SGSM2: variants seen among roughly 807,000 people sequenced by gnomAD.
SGSM2 encodes RUN and TBC1 domain containing 1.
Under a neutral mutation model 126.6 loss-of-function variants are expected in SGSM2, and 89 were observed. The ratio of observed to expected loss-of-function variants is 0.70; its 90% CI spans 0.59 to 0.84. SGSM2 has a LOEUF of 0.84. Ranked by LOEUF, SGSM2 falls within the 40% of genes least tolerant of loss-of-function variation. The pLI is 0.00. For synonymous variants in SGSM2, 614 were observed against 574.3 expected (o/e 1.07, Z -0.99); for missense variants, 1,404 against 1,416.6 (o/e 0.99, Z 0.14).
chr17:2,363,188 G>A lies in SGSM2; in HGVS notation c.672+54G>A, dbSNP rs2065398631. On this transcript the variant is annotated intron_variant, in intron 6 of 23. Transcript: ENST00000268989. The surrounding 1 kb of genome is among the most constrained non-coding windows in gnomAD (Gnocchi z 4.2). ...TCATCTGGGCTATGCCCATGGGCCT[G>A]TAGGGACGGGAAACCGGCCTCTCTA... 1.3e-6 allele frequency: 2 copies of A among 1,529,512 alleles called. No individual in the cohort carries two copies. The highest frequency in any genetic ancestry group is 2.4e-5 in the East Asian group (1 of 41,056). The allele number at this position is 1,529,512 out of a possible 1,614,324, so 94.7% of individuals were successfully genotyped here. A position where few individuals can be genotyped will look rare whatever the true frequency, so the allele number is the denominator to read the frequency against.
intron 2 of SGSM2, among the ~76,000 whole-genome samples, chr17:2,353,986 G>C (rs2064984814): frequency 8.3e-6 from 1 of 120,110 alleles, no homozygotes; most frequent in South Asian, 3.0e-4. Flanking sequence ...TCAGCTCACT[G>C]CAACCTCCTG....
intron 2 of SGSM2, among the ~76,000 whole-genome samples, chr17:2,354,620 A>G (rs2065014157): frequency 1.3e-5 from 2 of 152,224 alleles, no homozygotes; most frequent in Non-Finnish European, 1.5e-5. Context: ...TTATATCTGT[A>G]GGACGGATTC....
chr17:2,360,700 G>A (rs1213009588), intron 2 of SGSM2, among the ~76,000 whole-genome samples: 1 of 152,224 alleles, frequency 6.6e-6, no homozygotes, highest in African/African-American at 2.4e-5. Flanking sequence ...CTGTCTGACT[G>A]TCTCCAGCAC....
At position 2,380,831 on chromosome 17, in the gene SGSM2, C is replaced by T. The variant is rs532665121; in HGVS notation, c.*1311C>T. 224 of 171,090 alleles carry T rather than the reference C, an allele frequency of 1.3e-3. No homozygotes were observed. The highest frequency in any genetic ancestry group is 2.8e-3 in the Middle Eastern group (1 of 358). 10.6% of individuals were successfully genotyped at this position (171,090 alleles called of 1,614,324 possible). A position where few individuals can be genotyped will look rare whatever the true frequency, so the allele number is the denominator to read the frequency against. ...CCTTCTGCACCCAGCACAGCCTGCC[C>T]AGCCCAGCCCTGCCCCCGGGCACTG... On this transcript the variant is annotated 3_prime_UTR_variant, in exon 24 of 24. Coordinates refer to ENST00000268989, the MANE Select transcript of SGSM2 (RefSeq NM_014853.3).
chr17:2,341,014 C>T (rs1024056232), intron 1 of SGSM2, among the ~76,000 whole-genome samples: 1 of 152,188 alleles, frequency 6.6e-6, no homozygotes. Context: ...ATCCTTCAAC[C>T]CAAAAATCCT....
At position 2,373,479 on chromosome 17, in the gene SGSM2, G is replaced by A. The variant is rs779955430; in HGVS notation, c.2066G>A (p.Arg689His). ...AGCAGCATCGACAGCCACGTGCAGC[G>A]CCTCATCCACCGAGACTCCACCATC... Reference protein sequence around the residue: ...SGSSIDSHVQRLIHRDSTISN... With the variant: ...SGSSIDSHVQHLIHRDSTISN... Residue 689 changes from arginine to histidine, a missense_variant, in exon 17 of 24, where the codon CGC becomes CAC. By Grantham distance (29) the Arg-to-His change is conservative (BLOSUM62 0). Transcript: ENST00000268989. The A allele has an allele frequency of 7.4e-5, 119 of 1,599,866 alleles. No individual in the cohort carries two copies. Among genetic ancestry groups the A allele is most frequent in the Admixed American group, 2.5e-4 (15 of 59,412 alleles).
intron 1 of SGSM2, among the ~76,000 whole-genome samples, chr17:2,339,271 A>G (rs1031716933): frequency 2.7e-5 from 4 of 150,584 alleles, no homozygotes; most frequent in African/African-American, 9.8e-5. Context: ...ACTGAAAAAA[A>G]CAAAAAATAC....
rs372170916 is a variant in SGSM2, at chr17:2,377,500, AC to A, written c.2803-355del. The A allele has an allele frequency of 2.1e-3, 323 of 156,850 alleles. 2 individuals carry two copies. Among genetic ancestry groups the A allele is most frequent in the Admixed American group, 6.2e-3 (93 of 14,962 alleles). 9.7% of individuals were successfully genotyped at this position (156,850 alleles called of 1,614,324 possible). On this transcript the variant is annotated intron_variant, in intron 21 of 23. Transcript: ENST00000268989. Reference sequence around the variant, plus strand: ...CTCTGTCTCAAAAAAAAAAAAAAAAACCATGGTTTCAGCGTTAGAAATTGAG... The same window carrying A: ...CTCTGTCTCAAAAAAAAAAAAAAAAACATGGTTTCAGCGTTAGAAATTGAG...
chr17:2,355,343 A>C (rs62067005), intron 2 of SGSM2, among the ~76,000 whole-genome samples: 2,996 of 43,336 alleles, frequency 0.069, 546 homozygotes, highest in South Asian at 0.17. Context: ...GAGTTGGGGG[A>C]AGGGACCCCA....
Position 2,376,180 on chromosome 17 carries a change from A to T in SGSM2, c.2528A>T (p.Asp843Val). The T allele has an allele frequency of 6.2e-7, 1 of 1,614,098 alleles. No homozygotes were observed. The highest frequency in any genetic ancestry group is 8.5e-7 in the Non-Finnish European group (1 of 1,179,994). Reference protein sequence around the residue: ...DTVALNLHRIDKDVQRCDRNY... With the variant: ...DTVALNLHRIVKDVQRCDRNY... ...GTGGCCTTAAACCTGCACCGCATAG[A>T]CAAGGATGTGCAGAGGTGTGACCGC... The change falls in exon 19 of 24, where the codon GAC becomes GTC. Residue 843 changes from aspartate (D) to valine (V), a missense_variant. By Grantham distance (152) the Asp-to-Val change is radical (BLOSUM62 -3). Coordinates refer to ENST00000268989, the MANE Select transcript of SGSM2 (RefSeq NM_014853.3).
At position 2,362,210 on chromosome 17, in the gene SGSM2, G is replaced by A. The variant is rs771932280; in HGVS notation, c.398G>A (p.Arg133His). The A allele has an allele frequency of 1.9e-5, 30 of 1,613,624 alleles. No homozygotes were observed. Among genetic ancestry groups the A allele is most frequent in the Non-Finnish European group, 2.5e-5 (30 of 1,179,920 alleles). The change falls in exon 4 of 24, where the codon CGC becomes CAC. Residue 133 changes from arginine (R) to histidine (H), a missense_variant. By Grantham distance (29) the Arg-to-His change is conservative. Transcript: ENST00000268989. The surrounding 1 kb of genome is among the most constrained non-coding windows in gnomAD (Gnocchi z 4.9). ...SPQALKHVWV[R>H]TALIEKVLDK... Reference sequence around the variant, plus strand: ...CAGGCCTTGAAACACGTATGGGTACGCACGGCGCTCATCGAGAAAGTTCTG... The same window carrying A: ...CAGGCCTTGAAACACGTATGGGTACACACGGCGCTCATCGAGAAAGTTCTG...
rs1485417266 is a variant in SGSM2, at chr17:2,376,948, T to C, written c.2693-11T>C. 1.4e-5 allele frequency: 22 copies of C among 1,610,864 alleles called. No individual in the cohort carries two copies. The highest frequency in any genetic ancestry group is 1.8e-5 in the Non-Finnish European group (21 of 1,177,714). ...TCCTGCCCTGCCAGCTTCACTCCTG[T>C]CTCCCCTCAGATCAGCTGGCCTACA... On this transcript the variant is annotated splice_polypyrimidine_tract_variant and intron_variant, in intron 20 of 23. Transcript: ENST00000268989.
At chr17:2,365,424 C>T in intron 11 of SGSM2, 83 bp downstream of exon 11, 7 of 1,435,266 alleles carry the variant, frequency 4.9e-6, no homozygotes, top group East Asian at 2.5e-5. Flanking sequence ...AGGAGGGCAG[C>T]AGGCAGGGCC....
Position 2,379,764 on chromosome 17 carries a change from C to A in SGSM2, c.*244C>A. ...CTCAGGGAGCAGCTGCCTTGGGGGACACACCTACTCTGCTCCCCTCTCACA... is the reference window on the plus strand; with the variant it reads ...CTCAGGGAGCAGCTGCCTTGGGGGAAACACCTACTCTGCTCCCCTCTCACA... On this transcript the variant is annotated 3_prime_UTR_variant, in exon 24 of 24. Coordinates refer to ENST00000268989, the MANE Select transcript of SGSM2 (RefSeq NM_014853.3). 1 of 1,382,944 alleles carries A rather than the reference C, an allele frequency of 7.2e-7. No individual in the cohort carries two copies. The highest frequency in any genetic ancestry group is 9.4e-7 in the Non-Finnish European group (1 of 1,066,290). The allele number at this position is 1,382,944 out of a possible 1,614,324, so 85.7% of individuals were successfully genotyped here.
chr17:2,345,494 G>T (rs2064561033), intron 2 of SGSM2, among the ~76,000 whole-genome samples: 2 of 151,614 alleles, frequency 1.3e-5, no homozygotes, highest in Admixed American at 6.6e-5. Flanking sequence ...TACTCAGGAG[G>T]CTGAGGCAGG....
chr17:2,338,593 G>A (rs1483350774), intron 1 of SGSM2, among the ~76,000 whole-genome samples: 1 of 151,982 alleles, frequency 6.6e-6, no homozygotes, highest in Non-Finnish European at 1.5e-5. Flanking sequence ...CAGGGCAGGA[G>A]ACCCTCTGTT....
intron 10 of SGSM2, 30 bp downstream of exon 10, chr17:2,365,087 G>A: frequency 1.2e-6 from 2 of 1,607,490 alleles, no homozygotes; most frequent in Non-Finnish European, 8.5e-7. Flanking sequence ...TTAGGGGAAG[G>A]GCTGTGTGTG....
chr17:2,361,752 G>A lies in SGSM2; in HGVS notation c.249G>A (p.Gly83=), dbSNP rs376852739. The change falls in exon 3 of 24, where the codon GGG becomes GGA. Residue 83 remains glycine (G), a synonymous_variant. Coordinates refer to ENST00000268989, the MANE Select transcript of SGSM2 (RefSeq NM_014853.3). ...TGGGGAAGACGTGCCCAGTGGCGGG[G>A]GAGATTTGCCACAAGGTACAGGAGC... is the stretch of plus-strand genomic sequence containing the variant. ...TKVGKTCPVA[G]EICHKVQELQ... is the part of the protein sequence containing the mutation. The A allele has an allele frequency of 4.3e-6, 7 of 1,613,308 alleles. No individual in the cohort carries two copies. The highest frequency in any genetic ancestry group is 1.3e-5 in the African/African-American group (1 of 75,062).
At chr17:2,349,793 GTT>G (rs71150858) in intron 2 of SGSM2, among the ~76,000 whole-genome samples, 1 of 146,194 alleles carries the variant, frequency 6.8e-6, no homozygotes, top group Admixed American at 6.9e-5. Context: ...GAAATGTTTT[GTT>G]TTTTTTTTTT....
Sources: gnomAD v4.1 joint callset for allele counts (sites outside exome capture counted in the v4.1 genomes callset) on GRCh38, gnomAD v4.1.1 for gene constraint, Gnocchi (gnomAD v3.1) non-coding constraint, MANE v1.5 for transcripts, NCBI Gene and HGNC (gene_info 2026-07-23, HGNC 2026-07-21) for gene names.